The following NEK11 variants were observed in gnomAD, a reference collection of about 807,000 sequenced individuals.
The protein encoded by NEK11 is NIMA related kinase 11.
In NEK11, 72 loss-of-function variants were observed where a neutral mutation model predicts 80.7. The ratio of observed to expected loss-of-function variants is 0.89; its 90% CI spans 0.74 to 1.08. NEK11 has a LOEUF of 1.08. Ranked by LOEUF, NEK11 falls within the 50% of genes least tolerant of loss-of-function variation. The probability of loss-of-function intolerance (pLI) is 0.00; values close to 1 mark genes in which losing one functional copy is unlikely to be tolerated. For synonymous variants in NEK11, 251 were observed against 260.7 expected (o/e 0.96, Z 0.36); for missense variants, 764 against 763.6 (o/e 1.00, Z -0.01).
chr3:131,254,569 C>T (rs991268261), intron 16 of NEK11, among the ~76,000 whole-genome samples: 5 of 152,198 alleles, frequency 3.3e-5, no homozygotes, highest in African/African-American at 1.2e-4. Flanking sequence ...CCTATTAACA[C>T]ATTAAAAGAA....
intron 16 of NEK11, among the ~76,000 whole-genome samples, chr3:131,264,134 T>C (rs1207666856): frequency 6.6e-6 from 1 of 152,234 alleles, no homozygotes. Context: ...GATGAGTAGA[T>C]TGTAAAAATT....
chr3:131,151,947 A>G (rs1469361281), intron 7 of NEK11, among the ~76,000 whole-genome samples: 1 of 152,158 alleles, frequency 6.6e-6, no homozygotes, highest in Non-Finnish European at 1.5e-5. Context: ...AAATGCTTGG[A>G]TACACATTAG....
intron 7 of NEK11, among the ~76,000 whole-genome samples, chr3:131,135,046 C>T (rs2085298726): frequency 6.6e-6 from 1 of 152,156 alleles, no homozygotes. Flanking sequence ...AAAAGATGTG[C>T]TTACTTCACT....
chr3:131,220,445 TA>T lies in NEK11; in HGVS notation c.1400-8081del, dbSNP rs564809983. 5.3e-5 allele frequency among the ~76,000 whole-genome samples: 8 copies of T among 152,282 alleles called. No homozygotes were observed. The South Asian group carries it at 1.7e-3, about 32-fold the overall frequency. On this transcript the variant is annotated intron_variant, in intron 14 of 17. Coordinates refer to ENST00000383366, the MANE Select transcript of NEK11 (RefSeq NM_024800.5). ...TTGATGGCTGTCATGTTAATACAAA[TA>T]ATAACTGTAATCATTCTAAGCACTG...
chr3:131,176,624 T>G (rs1245878871), intron 14 of NEK11, among the ~76,000 whole-genome samples: 1 of 152,176 alleles, frequency 6.6e-6, no homozygotes, highest in African/African-American at 2.4e-5. Context: ...GACAAGTCAC[T>G]AACTAAAATT....
At chr3:131,275,936 G>A (rs919444669) in intron 17 of NEK11, among the ~76,000 whole-genome samples, 1 of 152,220 alleles carries the variant, frequency 6.6e-6, no homozygotes, top group African/African-American at 2.4e-5. Flanking sequence ...ATTAAGAAAA[G>A]TCCCCAAATA....
chr3:131,232,324 G>A (rs955339063), intron 15 of NEK11, among the ~76,000 whole-genome samples: 4 of 152,206 alleles, frequency 2.6e-5, no homozygotes, highest in African/African-American at 7.2e-5. Context: ...AGGCTGACGA[G>A]TGTTTTCACA....
rs374621481 is a variant in NEK11 at position 131,326,984 on chromosome 3, A to G, written c.1719-22573A>G. On this transcript the variant is annotated intron_variant, in intron 17 of 17. Coordinates refer to ENST00000383366, the MANE Select transcript of NEK11 (RefSeq NM_024800.5). ...GCCCGTCTAAGCTTTCTTCCCCTCC[A>G]GAGGACACAGCAAAAAAGTGCCATC... Among the ~76,000 whole-genome samples the G allele has an allele frequency of 1.2e-4, 19 of 152,318 alleles. No individual in the cohort carries two copies. The South Asian group carries it at 3.7e-3, about 30-fold the overall frequency.
At chr3:131,155,549 A>C (rs1006649129) in intron 10 of NEK11, among the ~76,000 whole-genome samples, 1 of 152,216 alleles carries the variant, frequency 6.6e-6, no homozygotes, top group African/African-American at 2.4e-5. Flanking sequence ...GCCGAAATTC[A>C]CTTTCTTGAA....
At position 131,152,529 on chromosome 3, in the gene NEK11, C is replaced by G; in HGVS notation, c.789C>G (p.Ile263Met). 2 of 1,612,938 alleles carry G rather than the reference C, an allele frequency of 1.2e-6. No homozygotes were observed. Among genetic ancestry groups the G allele is most frequent in the South Asian group, 2.2e-5 (2 of 90,878 alleles). ...PERYPKELNA[I>M]MESMLNKNPS... ...GATATCCAAAAGAACTAAATGCCAT[C>G]ATGGAAAGGTATAGAAATAAACATG... is the stretch of plus-strand genomic sequence containing the variant. The change falls in exon 8 of 18, where the codon ATC (isoleucine) becomes ATG (methionine). Residue 263 changes from isoleucine (I) to methionine (M), a missense_variant. Physicochemically the swap from Ile to Met is conservative, Grantham distance 10. Transcript: ENST00000383366.
intron 7 of NEK11, among the ~76,000 whole-genome samples, chr3:131,139,716 C>T (rs773597826): frequency 2.6e-5 from 4 of 152,168 alleles, no homozygotes; most frequent in South Asian, 2.1e-4. Context: ...ATTTCAAACA[C>T]GCAAATTTAT....
At chr3:131,137,674 G>A (rs758929740) in intron 7 of NEK11, among the ~76,000 whole-genome samples, 17 of 152,108 alleles carry the variant, frequency 1.1e-4, no homozygotes, top group Non-Finnish European at 2.2e-4. Context: ...TCAATGACTA[G>A]CATGAAATGG....
At chr3:131,204,062 G>A (rs935386922) in intron 14 of NEK11, among the ~76,000 whole-genome samples, 1 of 151,888 alleles carries the variant, frequency 6.6e-6, no homozygotes, top group African/African-American at 2.4e-5. Flanking sequence ...GCTAGGTTTA[G>A]ATCTTACTCT....
At chr3:131,215,344 G>A (rs2094795017) in intron 14 of NEK11, among the ~76,000 whole-genome samples, 1 of 151,726 alleles carries the variant, frequency 6.6e-6, no homozygotes, top group South Asian at 2.1e-4. Context: ...AATGGGTGCA[G>A]CACACCAACA....
chr3:131,195,851 G>A (rs2150328170), intron 14 of NEK11, among the ~76,000 whole-genome samples: 1 of 140,650 alleles, frequency 7.1e-6, no homozygotes, highest in Admixed American at 7.1e-5. Flanking sequence ...CACCCTATTG[G>A]TATGTAAGTT....
intron 5 of NEK11, among the ~76,000 whole-genome samples, chr3:131,125,334 A>G (rs1315959135): frequency 6.6e-6 from 1 of 152,212 alleles, no homozygotes; most frequent in African/African-American, 2.4e-5. Context: ...CAAAGGTAAC[A>G]TTATTACACT....
intron 16 of NEK11, among the ~76,000 whole-genome samples, chr3:131,257,964 C>A (rs1205999348): frequency 1.3e-5 from 2 of 151,936 alleles, no homozygotes; most frequent in African/African-American, 4.8e-5. Context: ...TATATATATA[C>A]ACCATGGAAC....
chr3:131,027,114 G>A (rs958859553), intron 1 of NEK11, 108 bp downstream of exon 1: 2 of 152,302 alleles, frequency 1.3e-5, no homozygotes, highest in Non-Finnish European at 2.9e-5. Context: ...CGCCATGGCT[G>A]CGATCTCCTC....
At chr3:131,150,956 A>G (rs944862123) in intron 7 of NEK11, among the ~76,000 whole-genome samples, 3 of 152,034 alleles carry the variant, frequency 2.0e-5, no homozygotes, top group African/African-American at 7.2e-5. Context: ...TTTTCTGGGT[A>G]TAGAAATCTA....
Sources: gnomAD v4.1 joint callset for allele counts (sites outside exome capture counted in the v4.1 genomes callset) on GRCh38, gnomAD v4.1.1 for gene constraint, MANE v1.5 for transcripts, NCBI Gene and HGNC (gene_info 2026-07-23, HGNC 2026-07-21) for gene names.